Variants in GUCY1A2 observed in about 807,000 individuals in gnomAD.
GUCY1A2 encodes guanylate cyclase soluble subunit alpha-2.
Under a neutral mutation model 63.5 loss-of-function variants are expected in GUCY1A2, and 27 were observed. The observed-to-expected ratio is 0.43, with a 90% CI of 0.31 to 0.59. The LOEUF is 0.59. Among genes scored for constraint, GUCY1A2 ranks in the 20% least tolerant of loss-of-function variants. The pLI, the probability that GUCY1A2 is intolerant of heterozygous loss-of-function variation, is 0.11. For missense variants in GUCY1A2, 768 were observed against 913.3 expected, an observed-to-expected ratio of 0.84 and a Z score of 2.05; for synonymous variants, 364 against 343.5, an observed-to-expected ratio of 1.06 and a Z score of -0.66.
At chr11:107,013,818 A>G (rs77813741) in intron 1 of GUCY1A2, among the ~76,000 whole-genome samples, 8,449 of 152,210 alleles carry the variant, frequency 0.056, 700 homozygotes, top group African/African-American at 0.19. Flanking sequence ...TTTCGCCAAG[A>G]CAATTGGAGT....
At chr11:106,742,480 G>A (rs1176206881) in intron 6 of GUCY1A2, among the ~76,000 whole-genome samples, 3 of 152,030 alleles carry the variant, frequency 2.0e-5, no homozygotes, top group African/African-American at 4.8e-5. Flanking sequence ...AAGGATAATG[G>A]CTTCCAGGAA....
chr11:106,955,925 T>G (rs919149115), intron 3 of GUCY1A2, among the ~76,000 whole-genome samples: 1 of 152,136 alleles, frequency 6.6e-6, no homozygotes, highest in African/African-American at 2.4e-5. Flanking sequence ...CATCTCCTTC[T>G]GGTACTCCAA....
chr11:107,009,123 A>G (rs1382069414), intron 1 of GUCY1A2, among the ~76,000 whole-genome samples: 1 of 152,210 alleles, frequency 6.6e-6, no homozygotes, highest in Non-Finnish European at 1.5e-5. Context: ...GGAGAACTAA[A>G]TGAGAGACCC....
intron 6 of GUCY1A2, among the ~76,000 whole-genome samples, chr11:106,774,195 G>A (rs1224375012): frequency 6.6e-6 from 1 of 151,428 alleles, no homozygotes. Context: ...GTGCAGTGGC[G>A]CATCTCGGTT....
At chr11:106,945,444 G>A (rs1860814232) in intron 3 of GUCY1A2, among the ~76,000 whole-genome samples, 1 of 152,034 alleles carries the variant, frequency 6.6e-6, no homozygotes, top group South Asian at 2.1e-4. Flanking sequence ...CACTCAGAAT[G>A]AAGAAGTAGA....
intron 6 of GUCY1A2, among the ~76,000 whole-genome samples, chr11:106,746,984 GTTTTT>G (rs964178897): frequency 6.6e-6 from 1 of 151,756 alleles, no homozygotes; most frequent in Non-Finnish European, 1.5e-5. Flanking sequence ...AAAGATGTGG[GTTTTT>G]TTTGTTTGTT....
chr11:106,723,918 A>ATT (rs10685696), intron 6 of GUCY1A2, among the ~76,000 whole-genome samples: 79,799 of 151,872 alleles, frequency 0.53, 22,268 homozygotes, highest in African/African-American at 0.71. Context: ...TTTGAAATGT[A>ATT]TTGTTTTCTT....
chr11:106,905,301 C>T (rs1263013618), intron 4 of GUCY1A2, among the ~76,000 whole-genome samples: 1 of 152,062 alleles, frequency 6.6e-6, no homozygotes, highest in Non-Finnish European at 1.5e-5. Flanking sequence ...GTGTCTTAGT[C>T]AGATAAAGCT....
At chr11:106,889,547 G>T (rs1859947045) in intron 4 of GUCY1A2, among the ~76,000 whole-genome samples, 1 of 152,104 alleles carries the variant, frequency 6.6e-6, no homozygotes, top group Non-Finnish European at 1.5e-5. Context: ...TTTATTACAG[G>T]ACCTTTGAAA....
chr11:106,897,154 A>T (rs4344456), intron 4 of GUCY1A2, among the ~76,000 whole-genome samples: 116,798 of 151,968 alleles, frequency 0.77, 45,164 homozygotes, highest in East Asian at 0.86. Flanking sequence ...GTACAAGATC[A>T]TTATGAAGAA....
chr11:106,865,707 G>T (rs968537980), intron 4 of GUCY1A2, among the ~76,000 whole-genome samples: 1 of 151,794 alleles, frequency 6.6e-6, no homozygotes, highest in African/African-American at 2.4e-5. Context: ...GTAGATGACA[G>T]GTTGTTGGGT....
chr11:106,885,952 T>C (rs1279939980), intron 4 of GUCY1A2, among the ~76,000 whole-genome samples: 1 of 152,062 alleles, frequency 6.6e-6, no homozygotes, highest in African/African-American at 2.4e-5. Context: ...CCCCTACACA[T>C]ACAGAGAGAG....
chr11:106,908,858 G>C (rs544512554), intron 4 of GUCY1A2, among the ~76,000 whole-genome samples: 2 of 152,132 alleles, frequency 1.3e-5, no homozygotes, highest in South Asian at 4.1e-4. Context: ...TGGGGTCTGA[G>C]CTACCCTACA....
intron 4 of GUCY1A2, among the ~76,000 whole-genome samples, chr11:106,911,352 T>C (rs1860291216): frequency 6.6e-6 from 1 of 152,080 alleles, no homozygotes; most frequent in East Asian, 1.9e-4. Flanking sequence ...CACCTCATGT[T>C]AAACCCACTT....
intron 3 of GUCY1A2, among the ~76,000 whole-genome samples, chr11:106,948,060 A>C (rs952092413): frequency 6.6e-6 from 1 of 152,184 alleles, no homozygotes; most frequent in Non-Finnish European, 1.5e-5. Flanking sequence ...TGTAAATGGA[A>C]TGGAAATGGG....
chr11:106,897,444 G>T (rs898113920), intron 4 of GUCY1A2, among the ~76,000 whole-genome samples: 3 of 152,000 alleles, frequency 2.0e-5, no homozygotes, highest in South Asian at 4.1e-4. Context: ...CCAACCTCAA[G>T]ACTTATTATA....
chr11:106,746,706 G>T, intron 6 of GUCY1A2: 1 of 892,756 alleles, frequency 1.1e-6, no homozygotes, highest in African/African-American at 1.7e-5. Flanking sequence ...TCAGTACTGT[G>T]ACATTTTTTA....
chr11:106,677,012 C>G lies in GUCY1A2; in HGVS notation c.*10537G>C. ...TCCCAATTCTCTCAGTCACTTCTAT[C>G]CTCAACTGATCTGCATCTACGTGCT... On this transcript the variant is annotated 3_prime_UTR_variant, in exon 8 of 8. Coordinates refer to ENST00000526355, the MANE Select transcript of GUCY1A2 (RefSeq NM_000855.3). 4.7e-6 allele frequency: 1 copy of G among 213,758 alleles called. No individual in the cohort carries two copies. The highest frequency in any genetic ancestry group is 9.5e-6 in the Non-Finnish European group (1 of 105,420). 13.2% of individuals were successfully genotyped at this position (213,758 alleles called of 1,614,324 possible).
rs747114937 is a variant in GUCY1A2, at chr11:106,986,123, C to G, written c.312G>C (p.Thr104=). The G allele has an allele frequency of 3.5e-6, 5 of 1,444,006 alleles. No homozygotes were observed. The East Asian group carries it at 1.1e-4, about 33-fold the overall frequency. 89.4% of individuals were successfully genotyped at this position (1,444,006 alleles called of 1,614,324 possible). The change falls in exon 2 of 8, where the codon ACG becomes ACC. Residue 104 remains threonine, a synonymous_variant. Coordinates refer to ENST00000526355, the MANE Select transcript of GUCY1A2 (RefSeq NM_000855.3). ...ISRLTAPSPQ[T]IQQTLKRTLQ... ...GTGTCCTCTTGAGAGTCTGCTGTAT[C>G]GTCTGAGGCTACAGAATAATAATAA...
Sources: gnomAD v4.1 joint callset for allele counts (sites outside exome capture counted in the v4.1 genomes callset) on GRCh38, gnomAD v4.1.1 for gene constraint, MANE v1.5 for transcripts, NCBI Gene and HGNC (gene_info 2026-07-23, HGNC 2026-07-21) for gene names.